The following GRM8 variants were observed in gnomAD, a reference collection of about 807,000 sequenced individuals.
GRM8 encodes the protein glutamate metabotropic receptor 8.
GRM8 carries 47 observed loss-of-function variants against 87.2 expected under a neutral mutation model. The ratio of observed to expected loss-of-function variants is 0.54; its 90% CI spans 0.43 to 0.69. The LOEUF is 0.69. GRM8 is among the 30% of genes least tolerant of loss of function. GRM8 has a pLI of 0.00. For missense variants in GRM8, 1,019 were observed against 1,139.2 expected (o/e 0.89, Z 1.52); for synonymous variants, 396 against 404.5 (o/e 0.98, Z 0.25).
At position 126,849,527 on chromosome 7, in the gene GRM8, T is replaced by C. The variant is rs549415298; in HGVS notation, c.1156+53015A>G. Among the ~76,000 whole-genome samples, 3 of 152,322 alleles carry C rather than the reference T, an allele frequency of 2.0e-5. No homozygotes were observed. In the South Asian group the frequency reaches 6.2e-4, roughly 32 times the overall value. Reference sequence around the variant, plus strand: ...TAAGTACATGGAAAATGAATTAATGTTTGCTTAATTTAAGAAAGTTCTTCA... The same window carrying C: ...TAAGTACATGGAAAATGAATTAATGCTTGCTTAATTTAAGAAAGTTCTTCA... On this transcript the variant is annotated intron_variant, in intron 6 of 10. Transcript: ENST00000339582.
At chr7:127,217,416 A>C (rs1796627355) in intron 2 of GRM8, among the ~76,000 whole-genome samples, 1 of 152,224 alleles carries the variant, frequency 6.6e-6, no homozygotes, top group South Asian at 2.1e-4. Context: ...GAAAAAGCAC[A>C]TGCAGCAACA....
chr7:127,181,742 G>A (rs779795389), intron 2 of GRM8, among the ~76,000 whole-genome samples: 5 of 152,016 alleles, frequency 3.3e-5, no homozygotes, highest in Non-Finnish European at 7.4e-5. Flanking sequence ...ACATCAAGTG[G>A]GAAAGGACAC....
chr7:126,849,340 T>C lies in GRM8; in HGVS notation c.1156+53202A>G, dbSNP rs562798826. Among the ~76,000 whole-genome samples the C allele has an allele frequency of 2.6e-5, 4 of 152,262 alleles. No homozygotes were observed. The South Asian group carries it at 8.3e-4, about 32-fold the overall frequency. On this transcript the variant is annotated intron_variant, in intron 6 of 10. Coordinates refer to ENST00000339582, the MANE Select transcript of GRM8 (RefSeq NM_000845.3). ...TACCTGAAAGCATGGGATTGAATGATGTCTCAAAGGAGGGAATTTTAAAAG... is the reference window on the plus strand; with the variant it reads ...TACCTGAAAGCATGGGATTGAATGACGTCTCAAAGGAGGGAATTTTAAAAG...
intron 7 of GRM8, among the ~76,000 whole-genome samples, chr7:126,691,937 T>C (rs61686538): frequency 0.027 from 4,137 of 152,278 alleles, 206 homozygotes; most frequent in African/African-American, 0.094. Flanking sequence ...ACACAAAGAA[T>C]GACAGAAACC....
At chr7:126,897,053 A>C (rs1045935278) in intron 6 of GRM8, among the ~76,000 whole-genome samples, 2 of 152,176 alleles carry the variant, frequency 1.3e-5, no homozygotes, top group African/African-American at 4.8e-5. Flanking sequence ...GAATGAAACA[A>C]AGGAAGGTTT....
chr7:127,083,162 C>T (rs1442100986), intron 3 of GRM8, among the ~76,000 whole-genome samples: 1 of 152,184 alleles, frequency 6.6e-6, no homozygotes, highest in Non-Finnish European at 1.5e-5. Context: ...ACAAGGTACT[C>T]AATAATATTT....
At chr7:126,485,333 C>T (rs1205451442) in intron 9 of GRM8, among the ~76,000 whole-genome samples, 1 of 146,430 alleles carries the variant, frequency 6.8e-6, no homozygotes, top group Non-Finnish European at 1.5e-5. Context: ...ATAGACAAAT[C>T]ATACATAGGC....
chr7:126,934,632 C>A (rs1036326076), intron 3 of GRM8, among the ~76,000 whole-genome samples: 12 of 152,108 alleles, frequency 7.9e-5, no homozygotes, highest in African/African-American at 2.9e-4. Flanking sequence ...GAGACATGGG[C>A]AGAAACTAGA....
intron 2 of GRM8, among the ~76,000 whole-genome samples, chr7:127,201,282 G>A (rs1405970221): frequency 6.6e-6 from 1 of 152,174 alleles, no homozygotes; most frequent in Non-Finnish European, 1.5e-5. Context: ...AAAGGTTACT[G>A]TAAGTAGTAT....
chr7:126,830,569 C>G (rs1427987767), intron 6 of GRM8, among the ~76,000 whole-genome samples: 2 of 152,192 alleles, frequency 1.3e-5, no homozygotes, highest in Non-Finnish European at 2.9e-5. Flanking sequence ...CCTTTAAGCA[C>G]TTCTCTGTAT....
At chr7:126,777,234 T>C (rs185591929) in intron 6 of GRM8, among the ~76,000 whole-genome samples, 2 of 152,186 alleles carry the variant, frequency 1.3e-5, no homozygotes, top group East Asian at 3.9e-4. Flanking sequence ...GTCAGAGAAG[T>C]GAAAGGGAAG....
chr7:126,658,045 G>A (rs562140829), intron 7 of GRM8, among the ~76,000 whole-genome samples: 2 of 152,370 alleles, frequency 1.3e-5, no homozygotes, highest in South Asian at 2.1e-4. Flanking sequence ...GGCCTGAGCC[G>A]CTGGGAAAGA....
intron 3 of GRM8, among the ~76,000 whole-genome samples, chr7:127,096,521 C>T (rs1824671116): frequency 6.6e-6 from 1 of 151,424 alleles, no homozygotes. Context: ...GATCATGCCA[C>T]TGCACTTCAG....
At chr7:126,682,789 G>A (rs1414252402) in intron 7 of GRM8, among the ~76,000 whole-genome samples, 3 of 152,144 alleles carry the variant, frequency 2.0e-5, no homozygotes, top group East Asian at 1.9e-4. Context: ...GGTGGCTCAC[G>A]CCTGTAATCC....
chr7:127,181,466 C>T (rs1794430041), intron 2 of GRM8, among the ~76,000 whole-genome samples: 1 of 151,916 alleles, frequency 6.6e-6, no homozygotes, highest in African/African-American at 2.4e-5. Flanking sequence ...AAAATACCAC[C>T]ATCATTCTTC....
intron 3 of GRM8, among the ~76,000 whole-genome samples, chr7:127,098,710 C>T (rs1824918769): frequency 6.6e-6 from 1 of 152,176 alleles, no homozygotes; most frequent in Admixed American, 6.5e-5. Context: ...TCCCTTCCAA[C>T]TCTAAGATGT....
At chr7:126,789,301 C>T (rs2151667566) in intron 6 of GRM8, among the ~76,000 whole-genome samples, 1 of 148,452 alleles carries the variant, frequency 6.7e-6, no homozygotes, top group African/African-American at 2.6e-5. Flanking sequence ...ACAACAAAGG[C>T]ATTTTTTTTT....
At chr7:126,564,237 T>A (rs1386104602) in intron 8 of GRM8, among the ~76,000 whole-genome samples, 1 of 152,136 alleles carries the variant, frequency 6.6e-6, no homozygotes, top group African/African-American at 2.4e-5. Flanking sequence ...CAAGAGATGA[T>A]AGGCCTGCTG....
chr7:126,621,459 T>TC (rs1239550010), intron 7 of GRM8, among the ~76,000 whole-genome samples: 1 of 152,170 alleles, frequency 6.6e-6, no homozygotes, highest in East Asian at 1.9e-4. Flanking sequence ...GTCTCTGTCC[T>TC]CCAGGCTGGA....
Sources: gnomAD v4.1 joint callset for allele counts (sites outside exome capture counted in the v4.1 genomes callset) on GRCh38, gnomAD v4.1.1 for gene constraint, MANE v1.5 for transcripts, NCBI Gene and HGNC (gene_info 2026-07-23, HGNC 2026-07-21) for gene names.